Variants in STAU2 observed in about 807,000 individuals in gnomAD.
STAU2 encodes the protein staufen double-stranded RNA binding protein 2, also known as double-stranded RNA-binding protein Staufen homolog 2.
Under a neutral mutation model 65.9 loss-of-function variants are expected in STAU2, and 20 were observed. That is an observed-to-expected ratio of 0.30 (90% CI 0.21 to 0.44). STAU2 has a LOEUF of 0.44. STAU2 is among the 20% of genes least tolerant of loss of function. The pLI is 1.00. For synonymous variants in STAU2, 232 were observed against 233.9 expected (o/e 0.99, Z 0.07); for missense variants, 558 against 683.9 (o/e 0.82, Z 2.05).
chr8:73,649,299 C>A (rs79734652), intron 6 of STAU2, among the ~76,000 whole-genome samples: 1 of 152,106 alleles, frequency 6.6e-6, no homozygotes, highest in Admixed American at 6.5e-5. Flanking sequence ...AACGTCTCAT[C>A]ACTTCATACA....
intron 10 of STAU2, among the ~76,000 whole-genome samples, chr8:73,602,645 C>G (rs1811715409): frequency 1.3e-5 from 2 of 151,462 alleles, no homozygotes; most frequent in Admixed American, 1.3e-4. Context: ...ATCTCTTGAG[C>G]CCAGGAAATC....
At chr8:73,702,140 G>A (rs1222323330) in intron 4 of STAU2, among the ~76,000 whole-genome samples, 3 of 152,064 alleles carry the variant, frequency 2.0e-5, no homozygotes, top group African/African-American at 7.2e-5. Flanking sequence ...AAAAAAATTA[G>A]TTAGAAAGAA....
intron 12 of STAU2, among the ~76,000 whole-genome samples, chr8:73,569,168 G>A (rs56155116): frequency 0.18 from 27,972 of 151,908 alleles, 2,778 homozygotes; most frequent in African/African-American, 0.24. Flanking sequence ...TATATCCTGC[G>A]CCTGGCTCAG....
chr8:73,672,900 GGA>G, intron 6 of STAU2: 2 of 247,082 alleles, frequency 8.1e-6, no homozygotes, highest in Non-Finnish European at 1.4e-5. Context: ...GTGGGGTAGG[GGA>G]AAAAAAAAAA....
At chr8:73,469,521 CTGAG>C (rs1819859549) in intron 13 of STAU2, among the ~76,000 whole-genome samples, 2 of 150,100 alleles carry the variant, frequency 1.3e-5, no homozygotes, top group South Asian at 2.1e-4. Flanking sequence ...AGTAGAAGGA[CTGAG>C]TAAGGAGACG....
chr8:73,649,664 TACTTATA>T (rs1193218750), intron 6 of STAU2, among the ~76,000 whole-genome samples: 1 of 151,748 alleles, frequency 6.6e-6, no homozygotes, highest in Non-Finnish European at 1.5e-5. Flanking sequence ...TTCTTTCTCT[TACTTATA>T]AAAGTCATAT....
rs7812755 is a variant in STAU2 at position 73,517,094 on chromosome 8, G to T, written c.1530+34918C>A. On this transcript the variant is annotated intron_variant, in intron 13 of 14. Transcript: ENST00000524300. Reference sequence around the variant, plus strand: ...ACCTAAATATTTTTAATTTAGAGGGGACACTAAGAATTAGAATACTGAATT... The same window carrying T: ...ACCTAAATATTTTTAATTTAGAGGGTACACTAAGAATTAGAATACTGAATT... Among the ~76,000 whole-genome samples, 124 of 152,144 alleles carry T rather than the reference G, an allele frequency of 8.2e-4. 2 individuals are homozygous for T. The highest frequency in any genetic ancestry group is 2.9e-3 in the African/African-American group (119 of 41,508).
At chr8:73,465,485 T>C (rs1413021373) in intron 13 of STAU2, among the ~76,000 whole-genome samples, 1 of 152,238 alleles carries the variant, frequency 6.6e-6, no homozygotes, top group Non-Finnish European at 1.5e-5. Context: ...TTCTTAATTA[T>C]GTCTTCAAAC....
chr8:73,608,267 A>G (rs773260886), intron 9 of STAU2, among the ~76,000 whole-genome samples: 3 of 152,162 alleles, frequency 2.0e-5, no homozygotes, highest in Non-Finnish European at 2.9e-5. Context: ...TGAGTTGGAC[A>G]AAAGAGTGGC....
intron 8 of STAU2, among the ~76,000 whole-genome samples, chr8:73,614,372 A>C (rs1274193826): frequency 6.6e-6 from 1 of 152,196 alleles, no homozygotes; most frequent in Admixed American, 6.5e-5. Flanking sequence ...TGGAGAAACG[A>C]GTAGTTCTAT....
At chr8:73,742,110 T>A (rs1435207825) in intron 1 of STAU2, 1 of 649,782 alleles carries the variant, frequency 1.5e-6, no homozygotes, top group African/African-American at 2.0e-5. Context: ...CAGTGGCACG[T>A]CTTTAAGACT....
At chr8:73,666,985 C>G (rs1295739249) in intron 6 of STAU2, among the ~76,000 whole-genome samples, 1 of 152,146 alleles carries the variant, frequency 6.6e-6, no homozygotes. Flanking sequence ...CTAAATACTT[C>G]GTAGGCAATT....
Position 73,646,935 on chromosome 8 carries a change from C to CCACACACACA in STAU2, c.410+26171_410+26172insTGTGTGTGTG, listed in dbSNP as rs1365707962. On this transcript the variant is annotated intron_variant, in intron 6 of 14. Coordinates refer to ENST00000524300, the MANE Select transcript of STAU2 (RefSeq NM_001164380.2). ...GAGATATTTCACCAAAGACACACAGCCAGACACACACACACACACACACAC... is the reference window on the plus strand; with the variant it reads ...GAGATATTTCACCAAAGACACACAGCCACACACACACAGACACACACACACACACACACAC... Among the ~76,000 whole-genome samples, 877 of 89,332 alleles carry CCACACACACA rather than the reference C, an allele frequency of 9.8e-3. 14 individuals carry two copies. Among genetic ancestry groups the CCACACACACA allele is most frequent in the African/African-American group, 0.036 (842 of 23,396 alleles). 58.6% of individuals were successfully genotyped at this position (89,332 alleles called of 152,430 possible).
intron 5 of STAU2, 121 bp downstream of exon 5, chr8:73,688,515 TGTGTGTGTGTGTGTGTAG>T: frequency 1.3e-6 from 1 of 741,790 alleles, no homozygotes; most frequent in Non-Finnish European, 2.2e-6. Flanking sequence ...TGTGTGTGTG[TGTGTGTGTGTGTGTGTAG>T]GTATGGGCAT....
intron 12 of STAU2, among the ~76,000 whole-genome samples, chr8:73,582,552 T>C (rs1810065867): frequency 6.6e-6 from 1 of 152,104 alleles, no homozygotes; most frequent in African/African-American, 2.4e-5. Context: ...TAAATGGCAG[T>C]CTGTCTGCAA....
chr8:73,654,540 T>C (rs28491384), intron 6 of STAU2, among the ~76,000 whole-genome samples: 41,243 of 146,864 alleles, frequency 0.28, 6,163 homozygotes, highest in East Asian at 0.46. Context: ...CTAGAGAGAC[T>C]GAGGTGGAAG....
chr8:73,659,049 A>G (rs12681136), intron 6 of STAU2, among the ~76,000 whole-genome samples: 41,813 of 152,028 alleles, frequency 0.28, 6,254 homozygotes, highest in East Asian at 0.45. Context: ...ATGCATAAAA[A>G]GTGATTGAGC....
At chr8:73,676,198 C>T (rs1236499776) in intron 5 of STAU2, among the ~76,000 whole-genome samples, 1 of 152,148 alleles carries the variant, frequency 6.6e-6, no homozygotes, top group Non-Finnish European at 1.5e-5. Context: ...GACCCATCTA[C>T]ACACTGTGGA....
chr8:73,625,077 A>T (rs1813537375), intron 6 of STAU2, among the ~76,000 whole-genome samples: 1 of 152,238 alleles, frequency 6.6e-6, no homozygotes, highest in Admixed American at 6.5e-5. Flanking sequence ...AAAAAGTCAT[A>T]AAGACATGGC....
Sources: gnomAD v4.1 joint callset for allele counts (sites outside exome capture counted in the v4.1 genomes callset) on GRCh38, gnomAD v4.1.1 for gene constraint, MANE v1.5 for transcripts, NCBI Gene and HGNC (gene_info 2026-07-23, HGNC 2026-07-21) for gene names.